Variants in RHOBTB1 observed in about 807,000 individuals in gnomAD.
The protein encoded by RHOBTB1 is rho-related BTB domain-containing protein 1.
Under a neutral mutation model 71.6 loss-of-function variants are expected in RHOBTB1, and 40 were observed. The ratio of observed to expected loss-of-function variants is 0.56; its 90% CI spans 0.43 to 0.73. RHOBTB1 has a LOEUF of 0.73. Ranked by LOEUF, RHOBTB1 falls within the 30% of genes least tolerant of loss-of-function variation. The probability of loss-of-function intolerance (pLI) is 0.00; values close to 1 mark genes in which losing one functional copy is unlikely to be tolerated. For synonymous variants in RHOBTB1, 319 were observed against 334.9 expected (o/e 0.95, Z 0.52); for missense variants, 797 against 894.0 (o/e 0.89, Z 1.38).
intron 2 of RHOBTB1, among the ~76,000 whole-genome samples, chr10:60,974,737 G>T (rs1219897758): frequency 6.6e-6 from 1 of 152,078 alleles, no homozygotes; most frequent in Non-Finnish European, 1.5e-5. Context: ...AAGGACGTCT[G>T]TCAGAACTGA....
intron 2 of RHOBTB1, among the ~76,000 whole-genome samples, chr10:60,941,121 A>G (rs1269095868): frequency 6.6e-6 from 1 of 152,216 alleles, no homozygotes; most frequent in African/African-American, 2.4e-5. Context: ...TTACCAAGCT[A>G]TCTTAGACAA....
intron 2 of RHOBTB1, among the ~76,000 whole-genome samples, chr10:60,970,652 G>A (rs1170327327): frequency 1.3e-5 from 2 of 151,974 alleles, no homozygotes; most frequent in Non-Finnish European, 2.9e-5. Flanking sequence ...CAATAGAAAC[G>A]TTACCAAACA....
intron 2 of RHOBTB1, among the ~76,000 whole-genome samples, chr10:60,963,998 C>T (rs1291099245): frequency 1.3e-5 from 2 of 152,062 alleles, no homozygotes; most frequent in Non-Finnish European, 2.9e-5. Context: ...CACCTTTCCC[C>T]ACTGTCTCAC....
At chr10:61,000,782 G>T (rs1331277402) in intron 1 of RHOBTB1, among the ~76,000 whole-genome samples, 1 of 152,032 alleles carries the variant, frequency 6.6e-6, no homozygotes, top group Non-Finnish European at 1.5e-5. Flanking sequence ...ACACCACAAG[G>T]TGTGGCATAG....
intron 2 of RHOBTB1, among the ~76,000 whole-genome samples, chr10:60,983,707 A>G (rs2086575400): frequency 6.6e-6 from 1 of 152,308 alleles, no homozygotes; most frequent in African/African-American, 2.4e-5. Context: ...CCCCCTAAAG[A>G]TAGTTTAGTA....
In RHOBTB1 at chr10:60,969,928, A is replaced by G. The variant is rs114603849; in HGVS notation, c.-62+15917T>C. Among the ~76,000 whole-genome samples, 1,261 of 152,254 alleles carry G rather than the reference A, an allele frequency of 8.3e-3. 13 individuals carry two copies. The highest frequency in any genetic ancestry group is 0.029 in the African/African-American group (1,202 of 41,566). ...TCAGGTGGACACCTGAGAGAAGACT[A>G]TAGGACTTCAAACATCAACCCATTT... On this transcript the variant is annotated intron_variant, in intron 2 of 11. Transcript: ENST00000357917.
intron 4 of RHOBTB1, among the ~76,000 whole-genome samples, chr10:60,910,613 T>C (rs1014290285): frequency 1.3e-5 from 2 of 152,206 alleles, no homozygotes; most frequent in Non-Finnish European, 2.9e-5. Context: ...CAGCCCGCAG[T>C]TGGAGGGTGT....
rs1452721729 is a variant in RHOBTB1, at chr10:60,888,373, C to T, written c.1295G>A (p.Gly432Asp). ...GAGGACCTCTGCGATCTGAGCCAGG[C>T]CCACCAAATCCTTTTCCTTTTCATC... ...QLDEKEKDLVGLAQIAEVLEM... is the reference protein window; with the variant it reads ...QLDEKEKDLVDLAQIAEVLEM... Residue 432 changes from glycine (G) to aspartate (D), a missense_variant, in exon 6 of 11, where the codon GGC becomes GAC. Around this residue, in one of 2 missense-constraint regions of RHOBTB1, gnomAD observed 658 missense variants for 681.5 expected, o/e 0.97. Transcript: ENST00000337910. 4 of 1,614,022 alleles carry T rather than the reference C, an allele frequency of 2.5e-6. No homozygotes were observed. The African/African-American group carries it at 5.3e-5, about 22-fold the overall frequency.
At chr10:60,907,779 T>C (rs866771701) in intron 4 of RHOBTB1, among the ~76,000 whole-genome samples, 1 of 152,134 alleles carries the variant, frequency 6.6e-6, no homozygotes, top group African/African-American at 2.4e-5. Context: ...AGCTCACCAA[T>C]GTAGGGTCCC....
chr10:60,940,827 C>T (rs1589378999), intron 2 of RHOBTB1, among the ~76,000 whole-genome samples: 1 of 152,242 alleles, frequency 6.6e-6, no homozygotes, highest in East Asian at 1.9e-4. Flanking sequence ...GTGGAAAATG[C>T]TGAACTTCTC....
At chr10:60,979,333 A>G (rs2086419083) in intron 2 of RHOBTB1, among the ~76,000 whole-genome samples, 1 of 152,186 alleles carries the variant, frequency 6.6e-6, no homozygotes, top group African/African-American at 2.4e-5. Context: ...AATAATAAGG[A>G]AAGGAATATG....
intron 5 of RHOBTB1, among the ~76,000 whole-genome samples, chr10:60,891,285 C>T (rs2081901971): frequency 6.7e-6 from 1 of 149,500 alleles, no homozygotes; most frequent in Non-Finnish European, 1.5e-5. Context: ...TGTAATAAGC[C>T]TATTAGGTAA....
chr10:60,910,827 G>C (rs2082928350), intron 4 of RHOBTB1, 60 bp downstream of exon 4: 1 of 1,246,842 alleles, frequency 8.0e-7, no homozygotes, highest in African/African-American at 1.5e-5. Flanking sequence ...TAAACCCGCT[G>C]CTGGTTTTGA....
At chr10:60,899,975 T>C (rs1214581933) in intron 4 of RHOBTB1, among the ~76,000 whole-genome samples, 2 of 151,990 alleles carry the variant, frequency 1.3e-5, no homozygotes, top group African/African-American at 2.4e-5. Context: ...GGAATCAGTA[T>C]GCCAGTATCT....
intron 2 of RHOBTB1, among the ~76,000 whole-genome samples, chr10:60,982,852 A>G (rs950428253): frequency 2.0e-5 from 3 of 152,102 alleles, no homozygotes; most frequent in Non-Finnish European, 2.9e-5. Context: ...TGAAATTCAC[A>G]TGTGAATTTC....
At position 60,886,201 on chromosome 10, in the gene RHOBTB1, T is replaced by C. The variant is rs757248573; in HGVS notation, c.1486A>G (p.Ile496Val). The C allele has an allele frequency of 4.3e-6, 7 of 1,613,956 alleles. No individual in the cohort carries two copies. The African/African-American group carries it at 8.0e-5, about 18-fold the overall frequency. Residue 496 changes from isoleucine to valine, a missense_variant, in exon 7 of 11, where the codon ATC becomes GTC. Around this residue, in one of 2 missense-constraint regions of RHOBTB1, gnomAD observed 658 missense variants for 681.5 expected, o/e 0.97. Coordinates refer to ENST00000337910, the MANE Select transcript of RHOBTB1 (RefSeq NM_014836.5). ...DVTFKLDDGA[I>V]SAHKPLLICS... ...ATCAGCAGCGGCTTGTGGGCACTGA[T>C]GGCTCCATCGTCCAATTTAAATGTC...
At chr10:60,978,153 A>AT (rs2086376578) in intron 2 of RHOBTB1, among the ~76,000 whole-genome samples, 1 of 152,174 alleles carries the variant, frequency 6.6e-6, no homozygotes, top group Non-Finnish European at 1.5e-5. Flanking sequence ...TTAAATATAT[A>AT]TTTTTGCCTA....
At chr10:60,919,255 A>G (rs1199776913) in intron 2 of RHOBTB1, among the ~76,000 whole-genome samples, 1 of 152,254 alleles carries the variant, frequency 6.6e-6, no homozygotes, top group Non-Finnish European at 1.5e-5. Context: ...CCATTAAAAA[A>G]TACTAGTGCA....
chr10:60,934,707 C>T (rs951297632), intron 2 of RHOBTB1, among the ~76,000 whole-genome samples: 7 of 152,190 alleles, frequency 4.6e-5, no homozygotes, highest in African/African-American at 1.7e-4. Flanking sequence ...CCTTTGGCTC[C>T]ATGTCCACTG....
Sources: allele counts gnomAD v4.1 joint callset (sites outside exome capture counted in the v4.1 genomes callset), GRCh38; gene constraint gnomAD v4.1.1; regional missense constraint gnomAD v4.1.1; transcripts MANE v1.5; gene names NCBI Gene and HGNC (gene_info 2026-07-23, HGNC 2026-07-21).